PLIN1: variants seen among roughly 807,000 people sequenced by gnomAD.
PLIN1 encodes the protein perilipin-1.
In PLIN1, 37 loss-of-function variants were observed where a neutral mutation model predicts 45.8. The ratio of observed to expected loss-of-function variants is 0.81; its 90% CI spans 0.62 to 1.06. The LOEUF is 1.06. PLIN1 is among the 50% of genes least tolerant of loss of function. PLIN1 has a pLI of 0.00. For missense variants in PLIN1, 776 were observed against 716.5 expected, an observed-to-expected ratio of 1.08 and a Z score of -0.95; for synonymous variants, 340 against 309.2, an observed-to-expected ratio of 1.10 and a Z score of -1.05.
At position 89,664,470 on chromosome 15, in the gene PLIN1, A is replaced by G. The variant is rs912580878; in HGVS notation, c.*1113T>C. 3.2e-5 allele frequency: 5 copies of G among 157,224 alleles called. No homozygotes were observed. The highest frequency in any genetic ancestry group is 9.6e-5 in the African/African-American group (4 of 41,472). 9.7% of individuals were successfully genotyped at this position (157,224 alleles called of 1,614,324 possible). A position where few individuals can be genotyped will look rare whatever the true frequency, so the allele number is the denominator to read the frequency against. On this transcript the variant is annotated 3_prime_UTR_variant, in exon 9 of 9. Coordinates refer to ENST00000300055, the MANE Select transcript of PLIN1 (RefSeq NM_002666.5). ...CATTAGGGAACTAGTTAAATCAAAT[A>G]AGGCGTATCCATATTATGCAGTAGT...
chr15:89,674,926 C>T (rs866808500), intron 2 of PLIN1, among the ~76,000 whole-genome samples: 1 of 151,848 alleles, frequency 6.6e-6, no homozygotes, highest in Admixed American at 6.6e-5. Context: ...ACAGGGAGAC[C>T]CCGTCTCTAC....
Position 89,669,982 on chromosome 15 carries a change from G to A in PLIN1, c.596C>T (p.Ser199Leu), listed in dbSNP as rs866643229. The A allele has an allele frequency of 9.3e-6, 15 of 1,610,462 alleles. No homozygotes were observed. Among genetic ancestry groups the A allele is most frequent in the Non-Finnish European group, 1.2e-5 (14 of 1,179,216 alleles). Residue 199 changes from serine to leucine, a missense_variant and splice_region_variant, in exon 5 of 9, where the codon TCA becomes TTA. Coordinates refer to ENST00000300055, the MANE Select transcript of PLIN1 (RefSeq NM_002666.5). ...EYLLPPDKEE[S>L]APAPGHQQAQ... Reference sequence around the variant, plus strand: ...CCGAGCCTCCGAATGGCAGGTACCTGACTCTTCCTTGTCTGGAGGGAGGAG... The same window carrying A: ...CCGAGCCTCCGAATGGCAGGTACCTAACTCTTCCTTGTCTGGAGGGAGGAG...
chr15:89,666,849 G>C, intron 8 of PLIN1, 87 bp downstream of exon 8: 1 of 1,475,872 alleles, frequency 6.8e-7, no homozygotes, highest in Non-Finnish European at 9.4e-7. Flanking sequence ...AAAGGAGGGG[G>C]ACTGCAGCCC....
intron 3 of PLIN1, among the ~76,000 whole-genome samples, chr15:89,672,794 C>T (rs1432725881): frequency 1.1e-4 from 17 of 152,352 alleles, no homozygotes; most frequent in Admixed American, 1.0e-3. Context: ...CCCCTCCCTC[C>T]GTGCCCTCCG....
At chr15:89,672,472 A>T (rs1964454820) in intron 3 of PLIN1, among the ~76,000 whole-genome samples, 1 of 152,240 alleles carries the variant, frequency 6.6e-6, no homozygotes, top group South Asian at 2.1e-4. Context: ...AGGAGATTGT[A>T]GCCAGGGACA....
chr15:89,671,508 G>T lies in PLIN1; in HGVS notation c.307C>A (p.Pro103Thr). Residue 103 changes from proline to threonine, a missense_variant, in exon 4 of 9, where the codon CCC becomes ACC. Physicochemically the swap from Pro to Thr is conservative, Grantham distance 38 (BLOSUM62 -1). Transcript: ENST00000300055. ...RGLDHLEEKIPALQYPPEKIA... is the reference protein window; with the variant it reads ...RGLDHLEEKITALQYPPEKIA... ...TTTTCAGGGGGGTACTGGAGGGCGGGGATCTTTTCCTCCAGGTGGTCCAAG... is the reference window on the plus strand; with the variant it reads ...TTTTCAGGGGGGTACTGGAGGGCGGTGATCTTTTCCTCCAGGTGGTCCAAG... 6.3e-7 allele frequency: 1 copy of T among 1,575,154 alleles called. No homozygotes were observed. Among genetic ancestry groups the T allele is most frequent in the African/African-American group, 1.3e-5 (1 of 74,302 alleles).
rs199756929 is a variant in PLIN1 at position 89,670,170 on chromosome 15, C to T, written c.408G>A (p.Ala136=). Residue 136 remains alanine (A), a synonymous_variant, in exon 5 of 9, where the codon GCG becomes GCA. Transcript: ENST00000300055. ...CCCCCAGGACCTTGTCTGAAGTGCT[C>T]GCGATGGGAACGCTGATGCTGTTTC... ...SARNSISVPI[A]STSDKVLGAA... is the part of the protein sequence containing the mutation. 98 of 1,613,950 alleles carry T rather than the reference C, an allele frequency of 6.1e-5. No individual in the cohort carries two copies. The East Asian group carries it at 1.4e-3, about 23-fold the overall frequency.
rs1301201188 is a variant in PLIN1, at chr15:89,665,685, G to A, written c.1467C>T (p.Arg489=). The stretch of plus-strand genomic sequence containing the variant: ...CGCTGACCCTGCGCTTTGGCTTCTC[G>A]CGGGGCACGGCCGGGAAGCCCGGGC... ...APRPGFPAVP[R]EKPKRRVSDS... The change falls in exon 9 of 9, where the codon CGC becomes CGT. Residue 489 remains arginine, a synonymous_variant. Transcript: ENST00000300055. 1 of 1,479,278 alleles carries A rather than the reference G, an allele frequency of 6.8e-7. No homozygotes were observed. Among genetic ancestry groups the A allele is most frequent in the South Asian group, 1.3e-5 (1 of 78,056 alleles). 91.6% of individuals were successfully genotyped at this position (1,479,278 alleles called of 1,614,324 possible).
chr15:89,669,847 A>G, intron 5 of PLIN1, 133 bp downstream of exon 5: 1 of 1,026,458 alleles, frequency 9.7e-7, no homozygotes, highest in Non-Finnish European at 1.4e-6. Context: ...GGGGTAAATG[A>G]TTATGAATCC....
Position 89,666,919 on chromosome 15 carries a change from C to A in PLIN1, c.1209+17G>T. The A allele has an allele frequency of 6.2e-7, 1 of 1,613,586 alleles. No homozygotes were observed. ...GCCCCCTTGGGACACTAACAGTTTGCCAGGGGTGGTACTCACCGGCACGTA... is the reference window on the plus strand; with the variant it reads ...GCCCCCTTGGGACACTAACAGTTTGACAGGGGTGGTACTCACCGGCACGTA... On this transcript the variant is annotated intron_variant, in intron 8 of 8. Coordinates refer to ENST00000300055, the MANE Select transcript of PLIN1 (RefSeq NM_002666.5).
Position 89,671,348 on chromosome 15 carries a change from C to G in PLIN1, c.333+134G>C, listed in dbSNP as rs561384936. 37 of 681,598 alleles carry G rather than the reference C, an allele frequency of 5.4e-5. No individual in the cohort carries two copies. In the South Asian group the frequency reaches 6.4e-4, roughly 12 times the overall value. 42.2% of individuals were successfully genotyped at this position (681,598 alleles called of 1,614,324 possible). On this transcript the variant is annotated intron_variant, in intron 4 of 8. Transcript: ENST00000300055. The stretch of plus-strand genomic sequence containing the variant: ...TTGTGTGGCCTTGGGAGCAGGCACT[C>G]TCCGCCAGCCTTGGAGGGTGCTCAC...
intron 2 of PLIN1, 40 bp downstream of exon 2, chr15:89,677,405 G>A: frequency 6.5e-7 from 1 of 1,539,716 alleles, no homozygotes; most frequent in East Asian, 2.2e-5. Context: ...TCCTCCCTCA[G>A]TTGTCCATCC....
Position 89,673,287 on chromosome 15 carries a change from T to C in PLIN1, c.173A>G (p.Tyr58Cys), listed in dbSNP as rs760198717. 1.0e-5 allele frequency: 16 copies of C among 1,584,900 alleles called. No homozygotes were observed. The highest frequency in any genetic ancestry group is 5.3e-5 in the Admixed American group (3 of 56,660). The change falls in exon 3 of 9, where the codon TAT (tyrosine) becomes TGT (cysteine). Residue 58 changes from tyrosine to cysteine, a missense_variant. Coordinates refer to ENST00000300055, the MANE Select transcript of PLIN1 (RefSeq NM_002666.5). ...HPLVASVCNA[Y>C]EKGVQSASSL... ...ACTGGCGCTCTGCACGCCCTTCTCATAGGCATTGCACACAGAGGCCACCAG... is the reference window on the plus strand; with the variant it reads ...ACTGGCGCTCTGCACGCCCTTCTCACAGGCATTGCACACAGAGGCCACCAG...
chr15:89,669,787 G>A, intron 5 of PLIN1, 115 bp from the exon 6 acceptor site: 1 of 812,114 alleles, frequency 1.2e-6, no homozygotes, highest in Non-Finnish European at 1.9e-6. Context: ...AAACTCACTG[G>A]TGAGTTCCAC....
intron 3 of PLIN1, 67 bp downstream of exon 3, chr15:89,673,143 G>A (rs1964463294): frequency 8.3e-7 from 1 of 1,199,036 alleles, no homozygotes; most frequent in Non-Finnish European, 1.2e-6. Context: ...AGACTGAGAG[G>A]CGGACAGACA....
rs745341695 is a variant in PLIN1, at chr15:89,677,427, T to C, written c.45+18A>G. ...TCAGTTGTCCATCCCCTGTCACAGATGAGCCCAAGTTACTTACAGGGAGGT... is the reference window on the plus strand; with the variant it reads ...TCAGTTGTCCATCCCCTGTCACAGACGAGCCCAAGTTACTTACAGGGAGGT... On this transcript the variant is annotated intron_variant, in intron 2 of 8. Coordinates refer to ENST00000300055, the MANE Select transcript of PLIN1 (RefSeq NM_002666.5). 6.2e-7 allele frequency: 1 copy of C among 1,607,948 alleles called. No homozygotes were observed. Among genetic ancestry groups the C allele is most frequent in the Non-Finnish European group, 8.5e-7 (1 of 1,174,360 alleles).
At position 89,665,695 on chromosome 15, in the gene PLIN1, G is replaced by T; in HGVS notation, c.1457C>A (p.Ala486Asp). 2 of 1,471,954 alleles carry T rather than the reference G, an allele frequency of 1.4e-6. No homozygotes were observed. Among genetic ancestry groups the T allele is most frequent in the Non-Finnish European group, 9.0e-7 (1 of 1,114,896 alleles). 91.2% of individuals were successfully genotyped at this position (1,471,954 alleles called of 1,614,324 possible). A position where few individuals can be genotyped will look rare whatever the true frequency, so the allele number is the denominator to read the frequency against. Residue 486 changes from alanine to aspartate, a missense_variant, in exon 9 of 9, where the codon GCC (alanine) becomes GAC (aspartate). Physicochemically the swap from Ala to Asp is moderately radical, Grantham distance 126. Transcript: ENST00000300055. ...TPAAPRPGFPAVPREKPKRRV... is the reference protein window; with the variant it reads ...TPAAPRPGFPDVPREKPKRRV... Reference sequence around the variant, plus strand: ...GCGCTTTGGCTTCTCGCGGGGCACGGCCGGGAAGCCCGGGCGCGGCGCTGC... The same window carrying T: ...GCGCTTTGGCTTCTCGCGGGGCACGTCCGGGAAGCCCGGGCGCGGCGCTGC...
intron 6 of PLIN1, among the ~76,000 whole-genome samples, chr15:89,669,123 G>T (rs893228163): frequency 3.3e-5 from 5 of 152,140 alleles, no homozygotes; most frequent in African/African-American, 1.2e-4. Context: ...AGTCCCTAGT[G>T]CTTGCATAGC....
chr15:89,677,854 G>C (rs1441677598), intron 1 of PLIN1: 1 of 206,072 alleles, frequency 4.9e-6, no homozygotes, highest in Non-Finnish European at 9.8e-6. Flanking sequence ...GGGTTCAAGG[G>C]ATTCTCCTGC....
Sources: gnomAD v4.1 joint callset for allele counts (sites outside exome capture counted in the v4.1 genomes callset) on GRCh38, gnomAD v4.1.1 for gene constraint, MANE v1.5 for transcripts, NCBI Gene and HGNC (gene_info 2026-07-23, HGNC 2026-07-21) for gene names.